Variants in DOCK5 observed in about 807,000 individuals in gnomAD.
DOCK5 encodes dedicator of cytokinesis 5, also known as dedicator of cytokinesis protein 5.
In DOCK5, 142 loss-of-function variants were observed where a neutral mutation model predicts 251.8. That is an observed-to-expected ratio of 0.56 (90% confidence interval 0.49 to 0.65). The LOEUF (loss-of-function observed/expected upper bound fraction) is 0.65. Ranked by LOEUF, DOCK5 falls within the 30% of genes least tolerant of loss-of-function variation. The pLI, the probability that DOCK5 is intolerant of heterozygous loss-of-function variation, is 0.00. For missense variants in DOCK5, 2,111 were observed against 2,312.3 expected, an observed-to-expected ratio of 0.91 and a Z score of 1.79; for synonymous variants, 842 against 835.5, an observed-to-expected ratio of 1.01 and a Z score of -0.13.
intron 16 of DOCK5, among the ~76,000 whole-genome samples, chr8:25,322,112 C>T (rs1264923318): frequency 6.6e-6 from 1 of 152,138 alleles, no homozygotes; most frequent in African/African-American, 2.4e-5. Context: ...AAAAATGTAA[C>T]CCCTCCTTCC....
At chr8:25,342,963 C>G (rs910166973) in intron 25 of DOCK5, among the ~76,000 whole-genome samples, 9 of 151,880 alleles carry the variant, frequency 5.9e-5, no homozygotes, top group African/African-American at 2.2e-4. Context: ...CCTCGGCCTC[C>G]CAAAGTGTTG....
chr8:25,252,125 GTC>G (rs1210725746), intron 2 of DOCK5, among the ~76,000 whole-genome samples: 6 of 152,128 alleles, frequency 3.9e-5, no homozygotes, highest in African/African-American at 1.4e-4. Flanking sequence ...TTTTGAGAAT[GTC>G]TGTCTGATTG....
At chr8:25,309,897 T>A (rs2117181071) in intron 12 of DOCK5, among the ~76,000 whole-genome samples, 1 of 152,310 alleles carries the variant, frequency 6.6e-6, no homozygotes, top group Middle Eastern at 3.4e-3. Flanking sequence ...TCTTTTTTCT[T>A]TTAACATTCT....
At chr8:25,325,852 T>C (rs1005819302) in intron 18 of DOCK5, among the ~76,000 whole-genome samples, 3 of 152,222 alleles carry the variant, frequency 2.0e-5, no homozygotes, top group African/African-American at 7.2e-5. Flanking sequence ...GTATGTTCCC[T>C]GATAGTGCAT....
intron 1 of DOCK5, among the ~76,000 whole-genome samples, chr8:25,204,138 A>G (rs1801943226): frequency 1.3e-5 from 2 of 152,118 alleles, no homozygotes; most frequent in African/African-American, 4.8e-5. Context: ...TTCTTTGCCA[A>G]TTTTTTTAAT....
chr8:25,380,553 AG>A (rs1801047444), intron 39 of DOCK5, among the ~76,000 whole-genome samples, 159 bp downstream of exon 39: 1 of 152,216 alleles, frequency 6.6e-6, no homozygotes, highest in Non-Finnish European at 1.5e-5. Flanking sequence ...TGTAGTCCAA[AG>A]GCTCTGATCA....
intron 1 of DOCK5, among the ~76,000 whole-genome samples, chr8:25,238,461 A>G (rs1188133940): frequency 6.6e-6 from 1 of 152,244 alleles, no homozygotes; most frequent in Non-Finnish European, 1.5e-5. Flanking sequence ...GAATGAATAG[A>G]TGACGGCGGT....
chr8:25,323,831 T>C lies in DOCK5; in HGVS notation c.1616-17T>C. 6.2e-7 allele frequency: 1 copy of C among 1,610,080 alleles called. No homozygotes were observed. The highest frequency in any genetic ancestry group is 8.5e-7 in the Non-Finnish European group (1 of 1,178,268). On this transcript the variant is annotated splice_polypyrimidine_tract_variant and intron_variant, in intron 16 of 51. Coordinates refer to ENST00000276440, the MANE Select transcript of DOCK5 (RefSeq NM_024940.8). ...TGTCTCTCTGCACTGCTCAGACATG[T>C]CTTTCTGCCTTTTCAGCCAGAGATA...
At chr8:25,407,135 A>C (rs944059396) in intron 48 of DOCK5, among the ~76,000 whole-genome samples, 7 of 152,164 alleles carry the variant, frequency 4.6e-5, no homozygotes, top group African/African-American at 1.7e-4. Flanking sequence ...ATTTTTATTA[A>C]AAACTATAGC....
intron 1 of DOCK5, among the ~76,000 whole-genome samples, chr8:25,222,437 A>G (rs1802415499): frequency 6.6e-6 from 1 of 152,102 alleles, no homozygotes; most frequent in Admixed American, 6.5e-5. Context: ...GGTGGCCTGA[A>G]CCGGCCCCTG....
chr8:25,202,344 T>A lies in DOCK5; in HGVS notation c.43+17393T>A, dbSNP rs1801901435. Among the ~76,000 whole-genome samples the A allele has an allele frequency of 1.3e-5, 2 of 152,170 alleles. 1 individual carries two copies. The highest frequency in any genetic ancestry group is 4.1e-4 in the South Asian group (2 of 4,826). ...TGGAAAATATTTGAATTCCCAGGGA[T>A]CTCTGGGTGATGGGACTGTTACTTT... On this transcript the variant is annotated intron_variant, in intron 1 of 51. Coordinates refer to ENST00000276440, the MANE Select transcript of DOCK5 (RefSeq NM_024940.8).
At chr8:25,363,007 T>C (rs1224953350) in intron 28 of DOCK5, 40 bp from the exon 29 acceptor site, 1 of 1,507,926 alleles carries the variant, frequency 6.6e-7, no homozygotes, top group South Asian at 1.1e-5. Context: ...ACTATGAACG[T>C]AACCCAGTTT....
intron 51 of DOCK5, among the ~76,000 whole-genome samples, chr8:25,410,982 C>T (rs1001333597): frequency 0.083 from 10,195 of 122,980 alleles, 466 homozygotes; most frequent in South Asian, 0.14. Flanking sequence ...TGCGCGCGCG[C>T]GCACGCACGC....
intron 50 of DOCK5, among the ~76,000 whole-genome samples, chr8:25,409,281 T>C (rs887865600): frequency 3.3e-5 from 5 of 152,200 alleles, no homozygotes; most frequent in African/African-American, 1.2e-4. Context: ...AATAGACCCA[T>C]TCCATCTACT....
At chr8:25,364,768 T>C in intron 30 of DOCK5, 64 bp downstream of exon 30, 1 of 1,205,662 alleles carries the variant, frequency 8.3e-7, no homozygotes. Context: ...ACTATATGAA[T>C]TTGGAAAATG....
At chr8:25,346,897 A>AG (rs1223999012) in intron 26 of DOCK5, among the ~76,000 whole-genome samples, 1 of 152,070 alleles carries the variant, frequency 6.6e-6, no homozygotes, top group African/African-American at 2.4e-5. Flanking sequence ...TGCAGCCCAC[A>AG]GGCCTAGCAG....
chr8:25,370,276 T>C (rs868635415), intron 34 of DOCK5, among the ~76,000 whole-genome samples: 1 of 152,244 alleles, frequency 6.6e-6, no homozygotes, highest in South Asian at 2.1e-4. Flanking sequence ...CAGTGAGAGA[T>C]TGAACTTCAA....
chr8:25,274,038 C>CATTGGTGG (rs1377669032), intron 3 of DOCK5, among the ~76,000 whole-genome samples: 5 of 152,196 alleles, frequency 3.3e-5, no homozygotes, highest in Non-Finnish European at 5.9e-5. Flanking sequence ...TCCACTCTGT[C>CATTGGTGG]ATCACCAATG....
intron 28 of DOCK5, among the ~76,000 whole-genome samples, chr8:25,362,701 G>C (rs1317841779): frequency 6.6e-6 from 1 of 151,762 alleles, no homozygotes; most frequent in Non-Finnish European, 1.5e-5. Context: ...GCCTCCCAAA[G>C]TGCTGAGATT....
Sources: gnomAD v4.1 joint callset for allele counts (sites outside exome capture counted in the v4.1 genomes callset) on GRCh38, gnomAD v4.1.1 for gene constraint, MANE v1.5 for transcripts, NCBI Gene and HGNC (gene_info 2026-07-23, HGNC 2026-07-21) for gene names.